Variants in TRIP12 observed in about 807,000 individuals in gnomAD.
TRIP12 encodes the protein thyroid hormone receptor interactor 12, also known as E3 ubiquitin-protein ligase TRIP12.
In TRIP12, 25 loss-of-function variants were observed where a neutral mutation model predicts 244.2. The observed-to-expected ratio is 0.10, with a 90% CI of 0.07 to 0.14. The LOEUF (loss-of-function observed/expected upper bound fraction) is 0.14, where lower values mean the gene tolerates loss of function less well. Among genes scored for constraint, TRIP12 ranks in the 10% least tolerant of loss-of-function variants. TRIP12 has a pLI of 1.00. For missense variants in TRIP12, 1,677 were observed against 2,486.4 expected, an observed-to-expected ratio of 0.67 and a Z score of 6.92; for synonymous variants, 905 against 873.1, an observed-to-expected ratio of 1.04 and a Z score of -0.64.
intron 4 of TRIP12, among the ~76,000 whole-genome samples, chr2:229,844,276 T>G (rs1422763718): frequency 6.6e-6 from 1 of 152,232 alleles, no homozygotes. Context: ...TATTTAATGA[T>G]TCCAATCTCA....
intron 2 of TRIP12, among the ~76,000 whole-genome samples, chr2:229,867,167 G>GTTTTT (rs1359589033): frequency 5.3e-4 from 31 of 58,210 alleles, no homozygotes; most frequent in East Asian, 1.8e-3. Flanking sequence ...TTGTTTGTTT[G>GTTTTT]TTTGTTTTTT....
chr2:229,834,805 G>A (rs2054363908), intron 6 of TRIP12, among the ~76,000 whole-genome samples: 1 of 151,688 alleles, frequency 6.6e-6, no homozygotes, highest in East Asian at 1.9e-4. Context: ...CCTCTGACTC[G>A]TGGGAAAGCG....
intron 15 of TRIP12, 125 bp downstream of exon 15, chr2:229,810,755 T>A (rs1174206970): frequency 1.1e-6 from 1 of 948,462 alleles, no homozygotes; most frequent in Admixed American, 2.9e-5. Flanking sequence ...TATTAACACT[T>A]TTCTTTACTA....
chr2:229,908,000 T>C (rs2073315800), intron 1 of TRIP12, among the ~76,000 whole-genome samples: 1 of 151,410 alleles, frequency 6.6e-6, no homozygotes, highest in South Asian at 2.1e-4. Context: ...CAACTAGTAA[T>C]GTTGGAGCCT....
intron 2 of TRIP12, among the ~76,000 whole-genome samples, chr2:229,871,217 CGGAAA>C (rs888042031): frequency 6.7e-6 from 1 of 148,310 alleles, no homozygotes; most frequent in Non-Finnish European, 1.5e-5. Flanking sequence ...GGGAGGGGAC[CGGAAA>C]GGAAAGAAAA....
chr2:229,850,447 G>A (rs2058440154), intron 4 of TRIP12, among the ~76,000 whole-genome samples: 1 of 152,168 alleles, frequency 6.6e-6, no homozygotes, highest in South Asian at 2.1e-4. Context: ...TTCCTTTTAA[G>A]CTCCCTGCCC....
At chr2:229,875,512 G>A (rs2063426812) in intron 2 of TRIP12, among the ~76,000 whole-genome samples, 1 of 152,138 alleles carries the variant, frequency 6.6e-6, no homozygotes. Context: ...GATCCAGTGG[G>A]CTGCAATGAA....
chr2:229,825,248 T>G (rs2051228449), intron 8 of TRIP12, among the ~76,000 whole-genome samples: 2 of 152,254 alleles, frequency 1.3e-5, no homozygotes, highest in African/African-American at 4.8e-5. Flanking sequence ...TCAATGAAGT[T>G]AAATAAAAAC....
chr2:229,851,756 C>T (rs892318395), intron 4 of TRIP12, among the ~76,000 whole-genome samples: 1 of 151,998 alleles, frequency 6.6e-6, no homozygotes, highest in Non-Finnish European at 1.5e-5. Flanking sequence ...TAACACTCAC[C>T]GCGCAGCTTC....
intron 2 of TRIP12, among the ~76,000 whole-genome samples, chr2:229,868,093 CAG>C (rs995851203): frequency 6.6e-5 from 10 of 152,202 alleles, no homozygotes; most frequent in African/African-American, 1.4e-4. Flanking sequence ...AGCAGGCACA[CAG>C]GTCTCCACAG....
chr2:229,807,496 A>G (rs924658780), intron 17 of TRIP12: 76 of 600,310 alleles, frequency 1.3e-4, no homozygotes, highest in South Asian at 1.1e-3. Context: ...CTCCAAGTCA[A>G]TCAGGTAGTT....
At chr2:229,893,911 C>T (rs1183244745) in intron 1 of TRIP12, among the ~76,000 whole-genome samples, 2 of 152,158 alleles carry the variant, frequency 1.3e-5, no homozygotes, top group Admixed American at 6.5e-5. Flanking sequence ...CAGGATGTTG[C>T]TATGTTACCC....
chr2:229,835,405 G>A (rs1057011466), intron 6 of TRIP12, among the ~76,000 whole-genome samples: 2 of 152,102 alleles, frequency 1.3e-5, no homozygotes, highest in African/African-American at 2.4e-5. Context: ...TTTGAACCCC[G>A]TTCCCATTCC....
chr2:229,774,319 A>G, intron 37 of TRIP12, 58 bp from the exon 38 acceptor site: 1 of 1,506,740 alleles, frequency 6.6e-7, no homozygotes, highest in East Asian at 2.3e-5. Flanking sequence ...ACGGTTGTTT[A>G]AAAAAATAAA....
chr2:229,851,319 ACT>A (rs1375639938), intron 4 of TRIP12, among the ~76,000 whole-genome samples: 2 of 151,538 alleles, frequency 1.3e-5, no homozygotes, highest in African/African-American at 2.4e-5. Context: ...ACCAATCGAC[ACT>A]CTCTAGCTAC....
At chr2:229,783,169 T>C (rs1033813690) in intron 34 of TRIP12, among the ~76,000 whole-genome samples, 1 of 152,244 alleles carries the variant, frequency 6.6e-6, no homozygotes, top group South Asian at 2.1e-4. Flanking sequence ...GTATCAATTT[T>C]AAGCGATTAA....
At chr2:229,871,080 A>G (rs988782395) in intron 2 of TRIP12, among the ~76,000 whole-genome samples, 3 of 151,676 alleles carry the variant, frequency 2.0e-5, no homozygotes, top group Non-Finnish European at 2.9e-5. Context: ...AGGCTGACGC[A>G]GGAGGATCAC....
intron 1 of TRIP12, among the ~76,000 whole-genome samples, chr2:229,897,928 G>C (rs1171518262): frequency 6.6e-6 from 1 of 152,130 alleles, no homozygotes; most frequent in Non-Finnish European, 1.5e-5. Context: ...CAGGATTCAA[G>C]ACTCAACAAA....
At chr2:229,903,010 C>CTTTTCTTTTTTTTTT (rs1560250130) in intron 1 of TRIP12, among the ~76,000 whole-genome samples, 3 of 25,668 alleles carry the variant, frequency 1.2e-4, no homozygotes, top group African/African-American at 1.2e-4. Flanking sequence ...TTTTCTTTTT[C>CTTTTCTTTTTTTTTT]TTTTTTTCTT....
Sources: gnomAD v4.1 joint callset for allele counts (sites outside exome capture counted in the v4.1 genomes callset) on GRCh38, gnomAD v4.1.1 for gene constraint, MANE v1.5 for transcripts, NCBI Gene and HGNC (gene_info 2026-07-23, HGNC 2026-07-21) for gene names.